Variants in MAGI3 observed in about 807,000 individuals in gnomAD.
MAGI3 encodes membrane-associated guanylate kinase, WW and PDZ domain-containing protein 3.
Under a neutral mutation model 121.8 loss-of-function variants are expected in MAGI3, and 43 were observed. That is an observed-to-expected ratio of 0.35 (90% CI 0.28 to 0.46). The LOEUF is 0.46. Ranked by LOEUF, MAGI3 falls within the 20% of genes least tolerant of loss-of-function variation. The pLI is 1.00. For synonymous variants in MAGI3, 553 were observed against 639.3 expected, an observed-to-expected ratio of 0.86 and a Z score of 2.04; for missense variants, 1,547 against 1,797.3, an observed-to-expected ratio of 0.86 and a Z score of 2.52.
intron 1 of MAGI3, among the ~76,000 whole-genome samples, chr1:113,402,081 G>C (rs1274545144): frequency 6.6e-6 from 1 of 152,208 alleles, no homozygotes; most frequent in Non-Finnish European, 1.5e-5. Flanking sequence ...TGGTAGAGCA[G>C]AGACTAGAAC....
chr1:113,633,982 G>A (rs1224114408), intron 9 of MAGI3, among the ~76,000 whole-genome samples: 1 of 151,634 alleles, frequency 6.6e-6, no homozygotes, highest in African/African-American at 2.4e-5. Context: ...TTCTCTGATG[G>A]CCAGTGATGG....
chr1:113,482,848 C>T (rs568339228), intron 1 of MAGI3, among the ~76,000 whole-genome samples: 28 of 151,786 alleles, frequency 1.8e-4, no homozygotes, highest in Non-Finnish European at 3.4e-4. Context: ...CTCTGTTGCC[C>T]AGGTTGGAAT....
chr1:113,622,138 A>C (rs1292715431), intron 8 of MAGI3, among the ~76,000 whole-genome samples: 1 of 152,218 alleles, frequency 6.6e-6, no homozygotes, highest in Non-Finnish European at 1.5e-5. Flanking sequence ...AGATAATGGC[A>C]GAACATTTAA....
chr1:113,401,006 A>G lies in MAGI3; in HGVS notation c.316+9657A>G, dbSNP rs181399963. ...TAACTTCCATGTCAGGGCATTTTAT[A>G]CCTGTCTTATTTGGTTTATAAGGAT... On this transcript the variant is annotated intron_variant, in intron 1 of 20. Transcript: ENST00000307546. Among the ~76,000 whole-genome samples the G allele has an allele frequency of 9.9e-4, 151 of 152,238 alleles. 3 individuals carry two copies. Among genetic ancestry groups the G allele is most frequent in the Admixed American group, 9.0e-3 (138 of 15,286 alleles).
intron 1 of MAGI3, among the ~76,000 whole-genome samples, chr1:113,398,927 ATCAGT>A (rs920706074): frequency 1.8e-4 from 28 of 152,110 alleles, no homozygotes; most frequent in Non-Finnish European, 3.4e-4. Context: ...TAATTTACAT[ATCAGT>A]TTCTGTATTT....
At chr1:113,506,866 G>A (rs543688571) in intron 1 of MAGI3, among the ~76,000 whole-genome samples, 1 of 152,174 alleles carries the variant, frequency 6.6e-6, no homozygotes, top group Non-Finnish European at 1.5e-5. Context: ...CGATGTACTA[G>A]CTTTGGTGCT....
chr1:113,424,472 A>G (rs1652900306), intron 1 of MAGI3, among the ~76,000 whole-genome samples: 1 of 152,158 alleles, frequency 6.6e-6, no homozygotes, highest in Admixed American at 6.5e-5. Context: ...AAACAAGAGC[A>G]GTCCAGAAAT....
chr1:113,414,537 A>T (rs1376969760), intron 1 of MAGI3, among the ~76,000 whole-genome samples: 1 of 152,070 alleles, frequency 6.6e-6, no homozygotes, highest in African/African-American at 2.4e-5. Flanking sequence ...GCTATTAATT[A>T]TTGCCTCAAT....
chr1:113,462,904 A>T, intron 1 of MAGI3, among the ~76,000 whole-genome samples: 1 of 152,156 alleles, frequency 6.6e-6, no homozygotes, highest in East Asian at 1.9e-4. Context: ...GATTTAAGGT[A>T]TAGGAAAAAT....
chr1:113,459,651 C>A (rs1654935186), intron 1 of MAGI3, among the ~76,000 whole-genome samples: 1 of 152,120 alleles, frequency 6.6e-6, no homozygotes, highest in African/African-American at 2.4e-5. Context: ...AAATATCTTT[C>A]TTTGTCAGTT....
intron 1 of MAGI3, among the ~76,000 whole-genome samples, chr1:113,507,422 G>A (rs1390894743): frequency 1.3e-5 from 2 of 152,070 alleles, no homozygotes; most frequent in East Asian, 1.9e-4. Context: ...ATTGAAAAAC[G>A]GTAAGCAGAA....
chr1:113,617,997 G>T (rs1226093384), intron 7 of MAGI3, among the ~76,000 whole-genome samples: 1 of 152,134 alleles, frequency 6.6e-6, no homozygotes. Flanking sequence ...CTGATATGTA[G>T]TAGTAGCCTG....
rs74111623 is a variant in MAGI3, at chr1:113,647,616, T to G, written c.2155+974T>G. ...TTGAGTAGGTATAATTTTTTAAAAT[T>G]TATTTGTTCTTAGAAAGAGATGTAA... On this transcript the variant is annotated intron_variant, in intron 12 of 20. Coordinates refer to ENST00000307546, the MANE Select transcript of MAGI3 (RefSeq NM_001142782.2). Among the ~76,000 whole-genome samples, 636 of 152,280 alleles carry G rather than the reference T, an allele frequency of 4.2e-3. 6 individuals are homozygous for G. The highest frequency in any genetic ancestry group is 0.014 in the African/African-American group (596 of 41,550).
chr1:113,549,327 G>T (rs1334490735), intron 1 of MAGI3, among the ~76,000 whole-genome samples, 188 bp from the exon 2 acceptor site: 3 of 152,112 alleles, frequency 2.0e-5, no homozygotes, highest in African/African-American at 7.2e-5. Flanking sequence ...TATATTGCAG[G>T]TACATATTTT....
At chr1:113,559,321 A>G (rs540176379) in intron 2 of MAGI3, among the ~76,000 whole-genome samples, 29 of 152,340 alleles carry the variant, frequency 1.9e-4, no homozygotes, top group African/African-American at 5.1e-4. Flanking sequence ...CTCACATGCA[A>G]AGACACACAT....
intron 1 of MAGI3, among the ~76,000 whole-genome samples, chr1:113,405,642 A>C (rs548514644): frequency 6.6e-6 from 1 of 152,050 alleles, no homozygotes; most frequent in Non-Finnish European, 1.5e-5. Context: ...TCTCTTTACT[A>C]TTGTAGCTCC....
intron 1 of MAGI3, among the ~76,000 whole-genome samples, chr1:113,472,158 G>A (rs1245538396): frequency 1.3e-5 from 2 of 150,706 alleles, no homozygotes; most frequent in Non-Finnish European, 1.5e-5. Flanking sequence ...GCCTGTATGT[G>A]TGCTTAAAGC....
intron 1 of MAGI3, among the ~76,000 whole-genome samples, chr1:113,547,015 G>A (rs962060793): frequency 4.6e-5 from 7 of 151,316 alleles, no homozygotes; most frequent in Non-Finnish European, 8.8e-5. Context: ...CCCAGGAGGC[G>A]GAGGTTGCAG....
At position 113,392,114 on chromosome 1, in the gene MAGI3, A is replaced by G. The variant is rs530610816; in HGVS notation, c.316+765A>G. Among the ~76,000 whole-genome samples, 17 of 152,376 alleles carry G rather than the reference A, an allele frequency of 1.1e-4. No homozygotes were observed. In the South Asian group the frequency reaches 3.5e-3, roughly 32 times the overall value. On this transcript the variant is annotated intron_variant, in intron 1 of 20. Transcript: ENST00000307546. ...ATGCTAGTAAAAATTGCTGCAAAGCACGTTATGTTTATGGCATACTCGTCA... is the reference window on the plus strand; with the variant it reads ...ATGCTAGTAAAAATTGCTGCAAAGCGCGTTATGTTTATGGCATACTCGTCA...
Sources: gnomAD v4.1 joint callset for allele counts (sites outside exome capture counted in the v4.1 genomes callset) on GRCh38, gnomAD v4.1.1 for gene constraint, MANE v1.5 for transcripts, NCBI Gene and HGNC (gene_info 2026-07-23, HGNC 2026-07-21) for gene names.